ADGRL2: variants seen among roughly 807,000 people sequenced by gnomAD.
ADGRL2 encodes adhesion G protein-coupled receptor L2, also known as calcium-independent alpha-latrotoxin receptor 2.
A neutral mutation model predicts 157.4 loss-of-function variants in ADGRL2; 44 were observed. The ratio of observed to expected loss-of-function variants is 0.28; its 90% CI spans 0.22 to 0.36. ADGRL2 has a LOEUF of 0.36. Among genes scored for constraint, ADGRL2 ranks in the 10% least tolerant of loss-of-function variants. The pLI, the probability that ADGRL2 is intolerant of heterozygous loss-of-function variation, is 1.00. For synonymous variants in ADGRL2, 585 were observed against 624.7 expected (o/e 0.94, Z 0.95); for missense variants, 1,510 against 1,768.9 (o/e 0.85, Z 2.63).
chr1:81,491,374 C>T (rs1319514625), intron 2 of ADGRL2, among the ~76,000 whole-genome samples: 3 of 152,070 alleles, frequency 2.0e-5, no homozygotes, highest in Admixed American at 2.0e-4. Context: ...GTAATGCTCA[C>T]ATGGGTGTGT....
At chr1:81,665,924 C>T (rs368911761) in intron 3 of ADGRL2, among the ~76,000 whole-genome samples, 18 of 152,188 alleles carry the variant, frequency 1.2e-4, no homozygotes, top group African/African-American at 1.9e-4. Context: ...AAAGTGTTCT[C>T]GTGAATGAGC....
At chr1:81,340,635 C>T (rs1435427566) in intron 1 of ADGRL2, among the ~76,000 whole-genome samples, 1 of 152,050 alleles carries the variant, frequency 6.6e-6, no homozygotes, top group African/African-American at 2.4e-5. Flanking sequence ...AGTTTGGCAG[C>T]ACTTCTATGA....
intron 1 of ADGRL2, among the ~76,000 whole-genome samples, chr1:81,817,677 A>T (rs2090547730): frequency 6.6e-6 from 1 of 152,096 alleles, no homozygotes; most frequent in South Asian, 2.1e-4. Flanking sequence ...GGGTGTAATA[A>T]AAATCATAAA....
chr1:81,644,215 T>A (rs558872854), intron 3 of ADGRL2, among the ~76,000 whole-genome samples: 1 of 152,140 alleles, frequency 6.6e-6, no homozygotes, highest in East Asian at 1.9e-4. Flanking sequence ...TTACAAAAAT[T>A]AACTCAAAAT....
rs1396937380 is a variant in ADGRL2 at position 81,443,065 on chromosome 1, C to T, written c.-301-1971C>T. Among the ~76,000 whole-genome samples, 3 of 152,134 alleles carry T rather than the reference C, an allele frequency of 2.0e-5. No homozygotes were observed. The East Asian group carries it at 5.8e-4, about 29-fold the overall frequency. ...TTTAAATTCAAGAAACAACTAATAA[C>T]TAATCTATACTCTAAAATGTATAAA... is the stretch of plus-strand genomic sequence containing the variant. On this transcript the variant is annotated intron_variant, in intron 1 of 24. Transcript: ENST00000370721.
intron 2 of ADGRL2, among the ~76,000 whole-genome samples, chr1:81,852,408 A>G (rs1446569270): frequency 6.6e-6 from 1 of 152,146 alleles, no homozygotes; most frequent in African/African-American, 2.4e-5. Context: ...AGAGATACTT[A>G]TGAATCTAAT....
At chr1:81,532,960 CT>C (rs201567717) in intron 2 of ADGRL2, among the ~76,000 whole-genome samples, 1 of 149,286 alleles carries the variant, frequency 6.7e-6, no homozygotes, top group African/African-American at 2.5e-5. Flanking sequence ...ATCTATCTAT[CT>C]ATCTATCTAT....
rs2085899001 is a variant in ADGRL2 at position 81,762,044 on chromosome 1, ATAC to A, written c.-101+196_-101+198del. On this transcript the variant is annotated intron_variant, in intron 2 of 20. Transcript: ENST00000359929. Reference sequence around the variant, plus strand: ...AATTATTCCAAAATGTTCACCAAATATACTACAGGATTTTTACAGGAAATACAA... The same window carrying A: ...AATTATTCCAAAATGTTCACCAAATATACAGGATTTTTACAGGAAATACAA... Among the ~76,000 whole-genome samples, 2 of 152,174 alleles carry A rather than the reference ATAC, an allele frequency of 1.3e-5. 1 individual carries two copies. The highest frequency in any genetic ancestry group is 4.8e-5 in the African/African-American group (2 of 41,464).
Position 81,674,460 on chromosome 1 carries a change from A to C in ADGRL2, c.-142-87351A>C, listed in dbSNP as rs1417374642. On this transcript the variant is annotated intron_variant, in intron 3 of 24. Transcript: ENST00000370721. ...TGACAGCCCAAACTTGCAGTCCATC[A>C]GCTAGTCAGGCATGTGCACCGGTGC... 2.0e-5 allele frequency among the ~76,000 whole-genome samples: 3 copies of C among 152,218 alleles called. No individual in the cohort carries two copies. In the East Asian group the frequency reaches 5.8e-4, roughly 29 times the overall value.
chr1:81,966,572 T>C lies in ADGRL2; in HGVS notation c.2312T>C (p.Leu771Pro). ...AATAAAGAGTCCAGCCGAGTATACCTGACTGATCCTGTGCTTTTTACCCTG... is the reference window on the plus strand; with the variant it reads ...AATAAAGAGTCCAGCCGAGTATACCCGACTGATCCTGTGCTTTTTACCCTG... The part of the protein sequence containing the change: ...SINKESSRVY[L>P]TDPVLFTLPH... The change falls in exon 13 of 24, where the codon CTG becomes CCG. Residue 771 changes from leucine (L) to proline (P), a missense_variant. This residue lies in a region of ADGRL2 where 497 missense variants were observed against 627.2 expected (regional missense o/e 0.79). Coordinates refer to ENST00000686636, the MANE Select transcript of ADGRL2 (RefSeq NM_001366006.2). 6.2e-7 allele frequency: 1 copy of C among 1,614,104 alleles called. No individual in the cohort carries two copies.
chr1:81,858,551 C>T lies in ADGRL2; in HGVS notation c.73+21494C>T, dbSNP rs1366023245. 2.0e-5 allele frequency among the ~76,000 whole-genome samples: 3 copies of T among 151,996 alleles called. No homozygotes were observed. The East Asian group carries it at 5.8e-4, about 29-fold the overall frequency. ...AGACTTAAGAGAATGTATTTCTTTC[C>T]TATTTTTGCTGTCTTCCTAAACATG... On this transcript the variant is annotated intron_variant, in intron 2 of 23. Transcript: ENST00000686636.
At chr1:81,318,641 A>G (rs1230967412) in intron 1 of ADGRL2, among the ~76,000 whole-genome samples, 1 of 152,194 alleles carries the variant, frequency 6.6e-6, no homozygotes, top group African/African-American at 2.4e-5. Flanking sequence ...CAGTTATGGG[A>G]CGGCATGAAT....
intron 1 of ADGRL2, among the ~76,000 whole-genome samples, chr1:81,417,524 T>A (rs2077053235): frequency 6.6e-6 from 1 of 152,184 alleles, no homozygotes; most frequent in African/African-American, 2.4e-5. Flanking sequence ...TCTACCTTTT[T>A]GGAATGGATT....
chr1:81,515,169 C>A (rs2148118654), intron 2 of ADGRL2: 1 of 152,174 alleles, frequency 6.6e-6, no homozygotes, highest in Admixed American at 6.5e-5. Flanking sequence ...GTGGGTCCCT[C>A]CACATCACCA....
chr1:81,814,122 T>C (rs779278349), intron 1 of ADGRL2, among the ~76,000 whole-genome samples: 6 of 151,800 alleles, frequency 4.0e-5, no homozygotes, highest in African/African-American at 1.4e-4. Flanking sequence ...AATAGATTGG[T>C]AACTGGTTTT....
chr1:81,406,592 G>T (rs2101353462), intron 1 of ADGRL2, among the ~76,000 whole-genome samples: 1 of 152,264 alleles, frequency 6.6e-6, no homozygotes, highest in South Asian at 2.1e-4. Flanking sequence ...AAATAAAATT[G>T]CTTCCCTAAC....
At chr1:81,756,028 T>G (rs2085678695) in intron 1 of ADGRL2, among the ~76,000 whole-genome samples, 1 of 152,150 alleles carries the variant, frequency 6.6e-6, no homozygotes, top group African/African-American at 2.4e-5. Flanking sequence ...CTTTAAAATA[T>G]CCTTTAATCT....
intron 3 of ADGRL2, among the ~76,000 whole-genome samples, chr1:81,650,861 G>A (rs1272018663): frequency 1.3e-5 from 2 of 151,980 alleles, no homozygotes; most frequent in Non-Finnish European, 2.9e-5. Context: ...TTTAAAATTG[G>A]CCTTGTGGAG....
chr1:81,644,466 A>T (rs1187424206), intron 3 of ADGRL2, among the ~76,000 whole-genome samples: 1 of 152,210 alleles, frequency 6.6e-6, no homozygotes, highest in East Asian at 1.9e-4. Context: ...TTTGTGAAAG[A>T]TGTATCAGAT....
Sources: gnomAD v4.1 joint callset for allele counts (sites outside exome capture counted in the v4.1 genomes callset) on GRCh38, gnomAD v4.1.1 for gene constraint, gnomAD v4.1.1 regional missense constraint, MANE v1.5 for transcripts, NCBI Gene and HGNC (gene_info 2026-07-23, HGNC 2026-07-21) for gene names.